WDR49: variants seen among roughly 807,000 people sequenced by gnomAD.
WDR49 encodes the protein cilia- and flagella-associated protein 337.
Under a neutral mutation model 119.5 loss-of-function variants are expected in WDR49, and 107 were observed. The observed-to-expected ratio is 0.90, with a 90% CI of 0.77 to 1.05. The LOEUF (loss-of-function observed/expected upper bound fraction) is 1.05. WDR49 is among the 50% of genes least tolerant of loss of function. The pLI, the probability that WDR49 is intolerant of heterozygous loss-of-function variation, is 0.00. For synonymous variants in WDR49, 425 were observed against 418.8 expected (o/e 1.01, Z -0.18); for missense variants, 1,240 against 1,220.5 (o/e 1.02, Z -0.24).
intron 16 of WDR49, among the ~76,000 whole-genome samples, chr3:167,513,720 C>G (rs531277587): frequency 1.3e-5 from 2 of 152,206 alleles, no homozygotes; most frequent in African/African-American, 4.8e-5. Context: ...AGATGTGTCT[C>G]ACATGCCAGA....
intron 16 of WDR49, among the ~76,000 whole-genome samples, chr3:167,512,420 A>G (rs1031688664): frequency 6.6e-6 from 1 of 152,188 alleles, no homozygotes; most frequent in Non-Finnish European, 1.5e-5. Flanking sequence ...AAGCAACAAC[A>G]TCAACAAAAA....
At chr3:167,639,238 G>C (rs1006835551) in intron 2 of WDR49, among the ~76,000 whole-genome samples, 1 of 151,658 alleles carries the variant, frequency 6.6e-6, no homozygotes, top group African/African-American at 2.4e-5. Flanking sequence ...CTTTGTTGGA[G>C]ACCATGATTA....
At chr3:167,511,880 T>C (rs1334964814) in intron 16 of WDR49, among the ~76,000 whole-genome samples, 1 of 152,174 alleles carries the variant, frequency 6.6e-6, no homozygotes, top group African/African-American at 2.4e-5. Context: ...CCCGGATCCA[T>C]CCCTCCTCTT....
At chr3:167,553,443 A>G (rs1712698084) in intron 10 of WDR49, among the ~76,000 whole-genome samples, 1 of 152,122 alleles carries the variant, frequency 6.6e-6, no homozygotes, top group South Asian at 2.1e-4. Flanking sequence ...CTTGTAAGCA[A>G]TCAAAAAAAT....
At chr3:167,595,606 C>T (rs1443885945) in intron 7 of WDR49, among the ~76,000 whole-genome samples, 1 of 152,144 alleles carries the variant, frequency 6.6e-6, no homozygotes, top group Non-Finnish European at 1.5e-5. Context: ...CTGAGAAAAA[C>T]AAGCAATGGG....
At chr3:167,550,158 G>A (rs1712464457) in intron 10 of WDR49, among the ~76,000 whole-genome samples, 1 of 152,104 alleles carries the variant, frequency 6.6e-6, no homozygotes, top group African/African-American at 2.4e-5. Flanking sequence ...TTTGGCTTAG[G>A]ATTGTCTTGG....
Position 167,626,858 on chromosome 3 carries a change from T to C in WDR49, c.600A>G (p.Val200=). The change falls in exon 3 of 19, where the codon GTA becomes GTG. Residue 200 remains valine, a synonymous_variant. Coordinates refer to ENST00000682715, the MANE Select transcript of WDR49 (RefSeq NM_001366157.1). ...WVTSLVSLEN[V]NKIAVAFTSK... is the part of the protein sequence containing the mutation. ...TTTTATAAAGAGTCTGTACCTTGTT[T>C]ACATTTTCCAGAGAAACCAGACTTG... is the stretch of plus-strand genomic sequence containing the variant. 8.0e-7 allele frequency: 1 copy of C among 1,249,824 alleles called. No individual in the cohort carries two copies. The allele number at this position is 1,249,824 out of a possible 1,614,324, so 77.4% of individuals were successfully genotyped here.
intron 10 of WDR49, among the ~76,000 whole-genome samples, chr3:167,545,811 A>G (rs1712154037): frequency 6.6e-6 from 1 of 150,600 alleles, no homozygotes; most frequent in South Asian, 2.1e-4. Flanking sequence ...ATCACCACTA[A>G]ATAACTTTTC....
intron 11 of WDR49, among the ~76,000 whole-genome samples, chr3:167,533,672 T>C (rs1364005973): frequency 6.6e-6 from 1 of 152,044 alleles, no homozygotes; most frequent in East Asian, 1.9e-4. Flanking sequence ...TCAGTACTGC[T>C]CTTCACAGAG....
At chr3:167,645,683 C>G (rs1718086128) in intron 2 of WDR49, among the ~76,000 whole-genome samples, 1 of 152,122 alleles carries the variant, frequency 6.6e-6, no homozygotes, top group Non-Finnish European at 1.5e-5. Context: ...TCTCCACCAC[C>G]TTGAAGAATT....
intron 2 of WDR49, among the ~76,000 whole-genome samples, chr3:167,631,212 C>T (rs1372101934): frequency 1.3e-5 from 2 of 151,946 alleles, no homozygotes; most frequent in Non-Finnish European, 2.9e-5. Context: ...CACATGTATA[C>T]CTACATATCA....
intron 5 of WDR49, among the ~76,000 whole-genome samples, chr3:167,615,820 A>G (rs1487859187): frequency 6.6e-6 from 1 of 152,178 alleles, no homozygotes; most frequent in African/African-American, 2.4e-5. Context: ...CCCTTAACCC[A>G]TCTCAACAAG....
Position 167,627,068 on chromosome 3 carries a change from CT to C in WDR49, c.389del (p.Lys130ArgfsTer8). 2 of 1,299,548 alleles carry C rather than the reference CT, an allele frequency of 1.5e-6. No individual in the cohort carries two copies. Among genetic ancestry groups the C allele is most frequent in the Non-Finnish European group, 9.8e-7 (1 of 1,023,620 alleles). The allele number at this position is 1,299,548 out of a possible 1,614,324, so 80.5% of individuals were successfully genotyped here. ...GTTTTACTGGGAGGAATTCAAGGTCCTTCCACTGGGGCACCACAGTTGCCTT... is the reference window on the plus strand; with the variant it reads ...GTTTTACTGGGAGGAATTCAAGGTCCTCCACTGGGGCACCACAGTTGCCTT... ...RAKATVVPQWKDLEFLPVKHK... is the reference protein window; with the variant it reads ...RAKATVVPQWXDLEFLPVKHK... On this transcript the variant is annotated frameshift_variant, in exon 3 of 19. Coordinates refer to ENST00000682715, the MANE Select transcript of WDR49 (RefSeq NM_001366157.1). LOFTEE classifies it high-confidence loss of function.
At chr3:167,533,882 G>A (rs562023001) in intron 11 of WDR49, among the ~76,000 whole-genome samples, 1 of 152,164 alleles carries the variant, frequency 6.6e-6, no homozygotes, top group East Asian at 1.9e-4. Context: ...ACTTTTTTGG[G>A]ATTAGGGGAG....
chr3:167,605,044 G>A (rs565755478), intron 5 of WDR49, among the ~76,000 whole-genome samples: 1 of 147,922 alleles, frequency 6.8e-6, no homozygotes, highest in Non-Finnish European at 1.5e-5. Context: ...GTGTGTGTGT[G>A]TGTACATATA....
chr3:167,602,389 G>A, intron 6 of WDR49, 114 bp from the exon 7 acceptor site: 1 of 910,498 alleles, frequency 1.1e-6, no homozygotes, highest in Non-Finnish European at 1.6e-6. Context: ...TCAACTGTAG[G>A]TTGACTAATG....
At chr3:167,620,260 A>C (rs1383931600) in intron 5 of WDR49, among the ~76,000 whole-genome samples, 169 bp downstream of exon 5, 1 of 152,166 alleles carries the variant, frequency 6.6e-6, no homozygotes, top group East Asian at 1.9e-4. Flanking sequence ...AAAAGAAAGA[A>C]AGAATCCCTG....
chr3:167,651,095 C>T (rs1434831193), intron 2 of WDR49, among the ~76,000 whole-genome samples: 1 of 152,090 alleles, frequency 6.6e-6, no homozygotes, highest in South Asian at 2.1e-4. Context: ...ATATTTTATT[C>T]GGAAATACAC....
intron 2 of WDR49, among the ~76,000 whole-genome samples, chr3:167,628,845 T>C (rs1360405085): frequency 6.6e-6 from 1 of 152,148 alleles, no homozygotes; most frequent in African/African-American, 2.4e-5. Context: ...AAGTCATGCC[T>C]GGCTTCAAAG....
Sources: gnomAD v4.1 joint callset for allele counts (sites outside exome capture counted in the v4.1 genomes callset) on GRCh38, gnomAD v4.1.1 for gene constraint, MANE v1.5 for transcripts, NCBI Gene and HGNC (gene_info 2026-07-23, HGNC 2026-07-21) for gene names.